The following ATP6V1A variants were observed in gnomAD, a reference collection of about 807,000 sequenced individuals.
The protein encoded by ATP6V1A is V-type proton ATPase catalytic subunit A.
A neutral mutation model predicts 70.1 loss-of-function variants in ATP6V1A; 18 were observed. That is an observed-to-expected ratio of 0.26 (90% CI 0.18 to 0.38). The LOEUF is 0.38. Among genes scored for constraint, ATP6V1A ranks in the 10% least tolerant of loss-of-function variants. The pLI is 1.00. For synonymous variants in ATP6V1A, 232 were observed against 253.8 expected (o/e 0.91, Z 0.82); for missense variants, 424 against 772.4 (o/e 0.55, Z 5.35).
chr3:113,806,266 T>C (rs1291868079), intron 14 of ATP6V1A, among the ~76,000 whole-genome samples: 4 of 152,080 alleles, frequency 2.6e-5, no homozygotes, highest in African/African-American at 7.2e-5. Flanking sequence ...CAAAAAAAAT[T>C]AGTATGTCAC....
At chr3:113,792,703 T>C (rs1462221025) in intron 8 of ATP6V1A, among the ~76,000 whole-genome samples, 2 of 152,186 alleles carry the variant, frequency 1.3e-5, no homozygotes, top group East Asian at 3.9e-4. Context: ...CTAATTATTA[T>C]TTTACATTCT....
chr3:113,763,846 G>T (rs549527723), intron 1 of ATP6V1A, among the ~76,000 whole-genome samples: 6 of 139,230 alleles, frequency 4.3e-5, no homozygotes, highest in African/African-American at 1.3e-4. Flanking sequence ...TTAACTTCTA[G>T]ATAGGGATCT....
At chr3:113,766,120 ATG>A (rs1708767721) in intron 1 of ATP6V1A, among the ~76,000 whole-genome samples, 1 of 152,164 alleles carries the variant, frequency 6.6e-6, no homozygotes, top group African/African-American at 2.4e-5. Flanking sequence ...GCCATAGACT[ATG>A]TGACTTAAAC....
At chr3:113,803,559 TA>T in intron 12 of ATP6V1A, 23 bp from the exon 13 acceptor site, 1 of 1,543,598 alleles carries the variant, frequency 6.5e-7, no homozygotes, top group East Asian at 2.3e-5. Flanking sequence ...AGTAAATGTC[TA>T]AAAATATCTT....
intron 6 of ATP6V1A, among the ~76,000 whole-genome samples, chr3:113,788,075 A>G (rs957576122): frequency 2.0e-5 from 3 of 152,056 alleles, no homozygotes; most frequent in African/African-American, 7.2e-5. Flanking sequence ...ATGCACCACC[A>G]TGCCCTTCTA....
chr3:113,774,184 G>T (rs1708883122), intron 1 of ATP6V1A, among the ~76,000 whole-genome samples: 1 of 151,996 alleles, frequency 6.6e-6, no homozygotes, highest in Non-Finnish European at 1.5e-5. Context: ...AAATTTCTTG[G>T]TATGCTCTTG....
chr3:113,800,086 G>GC (rs1422422526), intron 12 of ATP6V1A, among the ~76,000 whole-genome samples: 1 of 152,010 alleles, frequency 6.6e-6, no homozygotes, highest in East Asian at 1.9e-4. Context: ...CAAAAAATTA[G>GC]CTGGGCATGG....
intron 8 of ATP6V1A, among the ~76,000 whole-genome samples, chr3:113,790,651 A>T (rs1709082094): frequency 6.6e-6 from 1 of 152,206 alleles, no homozygotes. Flanking sequence ...CCAATATTTG[A>T]ATTAGCTGTA....
At chr3:113,788,200 T>C (rs953193715) in intron 6 of ATP6V1A, among the ~76,000 whole-genome samples, 1 of 152,126 alleles carries the variant, frequency 6.6e-6, no homozygotes, top group Non-Finnish European at 1.5e-5. Flanking sequence ...GGCATAAGCG[T>C]CTGTGCCTAG....
At chr3:113,767,399 T>C (rs1708785522) in intron 1 of ATP6V1A, among the ~76,000 whole-genome samples, 1 of 152,082 alleles carries the variant, frequency 6.6e-6, no homozygotes, top group African/African-American at 2.4e-5. Context: ...ATGTTATCTG[T>C]TTTTAATTTC....
chr3:113,777,906 G>A (rs1708934726), intron 1 of ATP6V1A, among the ~76,000 whole-genome samples: 1 of 152,204 alleles, frequency 6.6e-6, no homozygotes, highest in Non-Finnish European at 1.5e-5. Context: ...ATGATTAAGT[G>A]AAAGAGTAGC....
intron 12 of ATP6V1A, 28 bp from the exon 13 acceptor site, chr3:113,803,555 T>C (rs201421967): frequency 2.0e-6 from 3 of 1,503,348 alleles, no homozygotes; most frequent in Non-Finnish European, 2.8e-6. Context: ...TTAGAGTAAA[T>C]GTCTAAAAAT....
At chr3:113,805,598 C>T (rs1324002868) in intron 14 of ATP6V1A, 73 bp downstream of exon 14, 1 of 1,418,654 alleles carries the variant, frequency 7.0e-7, no homozygotes, top group African/African-American at 1.4e-5. Flanking sequence ...TAGACAGAGT[C>T]TCACTCTGTT....
chr3:113,761,086 T>TC (rs1708699349), intron 1 of ATP6V1A, among the ~76,000 whole-genome samples: 3 of 150,068 alleles, frequency 2.0e-5, no homozygotes, highest in African/African-American at 4.9e-5. Context: ...AAAATAGACA[T>TC]ATTTTCTTTT....
chr3:113,778,441 T>C (rs1708940693), intron 1 of ATP6V1A, among the ~76,000 whole-genome samples: 1 of 151,772 alleles, frequency 6.6e-6, no homozygotes, highest in African/African-American at 2.4e-5. Context: ...GGCATGGTGG[T>C]ACACACCTGT....
At chr3:113,793,664 A>G (rs1577093151) in intron 8 of ATP6V1A, among the ~76,000 whole-genome samples, 1 of 152,350 alleles carries the variant, frequency 6.6e-6, no homozygotes, top group East Asian at 1.9e-4. Flanking sequence ...TGAAGCCTTA[A>G]TATTGATAAG....
intron 1 of ATP6V1A, among the ~76,000 whole-genome samples, chr3:113,773,828 C>T (rs968058989): frequency 3.9e-5 from 6 of 152,134 alleles, no homozygotes; most frequent in Admixed American, 1.3e-4. Context: ...TTGCTTTATG[C>T]TCTTCTAAAT....
intron 9 of ATP6V1A, 30 bp downstream of exon 9, chr3:113,795,024 C>T (rs369538694): frequency 5.3e-5 from 85 of 1,613,072 alleles, no homozygotes; most frequent in Non-Finnish European, 6.8e-5. Flanking sequence ...ATCATGTAAA[C>T]AAGACTGATG....
chr3:113,768,109 G>T (rs1009398080), intron 1 of ATP6V1A, among the ~76,000 whole-genome samples: 26 of 152,118 alleles, frequency 1.7e-4, no homozygotes, highest in African/African-American at 6.0e-4. Flanking sequence ...CCTTAGTTTT[G>T]ATATACAGTT....
Sources: allele counts gnomAD v4.1 joint callset (sites outside exome capture counted in the v4.1 genomes callset), GRCh38; gene constraint gnomAD v4.1.1; transcripts MANE v1.5; gene names NCBI Gene and HGNC (gene_info 2026-07-23, HGNC 2026-07-21).